Variants in MORF4L1 observed in about 807,000 individuals in gnomAD.
MORF4L1 encodes the protein mortality factor 4-like protein 1.
A neutral mutation model predicts 52.9 loss-of-function variants in MORF4L1; 4 were observed. That is an observed-to-expected ratio of 0.08 (90% confidence interval 0.04 to 0.17). The LOEUF is 0.17. Ranked by LOEUF, MORF4L1 falls within the 10% of genes least tolerant of loss-of-function variation. The pLI is 1.00. For missense variants in MORF4L1, 214 were observed against 390.4 expected (o/e 0.55, Z 3.81); for synonymous variants, 123 against 134.8 (o/e 0.91, Z 0.61).
intron 9 of MORF4L1, 90 bp downstream of exon 9, chr15:78,893,717 A>C: frequency 1.2e-6 from 1 of 848,188 alleles, no homozygotes; most frequent in Non-Finnish European, 1.8e-6. Context: ...ACTCCGAAAC[A>C]TTAATACCAC....
chr15:78,891,293 C>G (rs2056797208), intron 6 of MORF4L1, 191 bp from the exon 7 acceptor site: 2 of 649,266 alleles, frequency 3.1e-6, no homozygotes, highest in Admixed American at 6.0e-5. Context: ...TAAATGTTGT[C>G]TATACTAAAT....
At chr15:78,873,346 G>C in intron 1 of MORF4L1, 1 of 885,220 alleles carries the variant, frequency 1.1e-6, no homozygotes, top group Non-Finnish European at 1.5e-6. Context: ...AAGAGGGCGC[G>C]GAGAGAGCAG....
intron 11 of MORF4L1, among the ~76,000 whole-genome samples, 158 bp downstream of exon 11, chr15:78,895,062 C>G (rs1567319826): frequency 6.6e-6 from 1 of 152,098 alleles, no homozygotes; most frequent in Non-Finnish European, 1.5e-5. Flanking sequence ...ATGGGAGTCT[C>G]AGAAATGATA....
intron 3 of MORF4L1, among the ~76,000 whole-genome samples, chr15:78,883,913 A>G (rs1041537412): frequency 6.6e-6 from 1 of 152,212 alleles, no homozygotes; most frequent in African/African-American, 2.4e-5. Flanking sequence ...TTAGAAAACT[A>G]TGAAATTCTG....
At chr15:78,896,844 G>A (rs2056898994) in intron 11 of MORF4L1, 139 bp from the exon 12 acceptor site, 2 of 611,920 alleles carry the variant, frequency 3.3e-6, no homozygotes, top group East Asian at 3.1e-5. Flanking sequence ...CATTATGTGT[G>A]GTTTTACTGT....
intron 11 of MORF4L1, among the ~76,000 whole-genome samples, chr15:78,895,256 A>G (rs2056867741): frequency 6.6e-6 from 1 of 152,294 alleles, no homozygotes; most frequent in African/African-American, 2.4e-5. Flanking sequence ...TAATATTTTC[A>G]TAGTTCTATA....
chr15:78,878,147 T>G (rs773120507), intron 1 of MORF4L1, 66 bp from the exon 2 acceptor site: 3 of 1,507,628 alleles, frequency 2.0e-6, no homozygotes, highest in Non-Finnish European at 2.7e-6. Context: ...GTGATGACTC[T>G]CTAAGATGTT....
chr15:78,876,994 C>T (rs1389062662), intron 1 of MORF4L1, among the ~76,000 whole-genome samples: 1 of 151,710 alleles, frequency 6.6e-6, no homozygotes, highest in African/African-American at 2.4e-5. Flanking sequence ...GGCTGGAGTG[C>T]AGTGGTGTGA....
intron 3 of MORF4L1, among the ~76,000 whole-genome samples, chr15:78,881,189 C>T (rs918536289): frequency 0.015 from 1,030 of 67,326 alleles, 9 homozygotes; most frequent in Non-Finnish European, 0.021. Flanking sequence ...AGAGTTAAGC[C>T]TTTTTTTTTT....
At chr15:78,894,731 T>C in intron 10 of MORF4L1, 89 bp from the exon 11 acceptor site, 1 of 983,742 alleles carries the variant, frequency 1.0e-6, no homozygotes, top group South Asian at 1.3e-5. Flanking sequence ...TTTAAAGGAA[T>C]TGGTGGTGTT....
intron 2 of MORF4L1, 83 bp from the exon 3 acceptor site, chr15:78,880,429 A>G (rs2056579927): frequency 2.1e-6 from 2 of 952,386 alleles, no homozygotes; most frequent in East Asian, 2.6e-5. Context: ...AAGCTTGTGT[A>G]GAGTGTCTTT....
At chr15:78,873,542 G>A (rs2056413209) in intron 1 of MORF4L1, among the ~76,000 whole-genome samples, 1 of 152,166 alleles carries the variant, frequency 6.6e-6, no homozygotes, top group Non-Finnish European at 1.5e-5. Flanking sequence ...CAACTCAGCT[G>A]CGGATGGGGG....
At chr15:78,893,460 T>C in intron 8 of MORF4L1, 79 bp from the exon 9 acceptor site, 1 of 920,306 alleles carries the variant, frequency 1.1e-6, no homozygotes, top group Non-Finnish European at 1.8e-6. Context: ...TTACCTGATC[T>C]TTGTATAAAA....
Position 78,897,082 on chromosome 15 carries a change from C to T in MORF4L1, c.*15C>T. The T allele has an allele frequency of 3.1e-6, 5 of 1,597,482 alleles. No homozygotes were observed. The highest frequency in any genetic ancestry group is 4.3e-6 in the Non-Finnish European group (5 of 1,166,820). On this transcript the variant is annotated 3_prime_UTR_variant, in exon 12 of 12. Coordinates refer to ENST00000426013, the MANE Select transcript of MORF4L1 (RefSeq NM_006791.4). ...AAGCTGTGTGAGAGGCACTCTCACT[C>T]ACTTATGTTTGGATCTCCGTAAACA...
At chr15:78,891,046 A>T (rs751483254) in intron 6 of MORF4L1, 32 bp downstream of exon 6, 3 of 1,476,162 alleles carry the variant, frequency 2.0e-6, no homozygotes, top group Non-Finnish European at 2.8e-6. Context: ...ACGTTAATTT[A>T]TGTTACCTCT....
At position 78,886,236 on chromosome 15, in the gene MORF4L1, G is replaced by T. The variant is rs375352436; in HGVS notation, c.242+9G>T. 9.2e-5 allele frequency: 148 copies of T among 1,606,392 alleles called. No individual in the cohort carries two copies. Among genetic ancestry groups the T allele is most frequent in the Non-Finnish European group, 1.1e-4 (132 of 1,173,074 alleles). ...CTTCAAAAAGCCAATCAGTAAGTTTGTTTTGTGAACTGAATATTAAGGAGA... is the reference window on the plus strand; with the variant it reads ...CTTCAAAAAGCCAATCAGTAAGTTTTTTTTGTGAACTGAATATTAAGGAGA... On this transcript the variant is annotated intron_variant, in intron 4 of 11. Transcript: ENST00000426013.
At chr15:78,890,960 T>G (rs2056790991) in intron 5 of MORF4L1, 29 bp from the exon 6 acceptor site, 1 of 1,429,212 alleles carries the variant, frequency 7.0e-7, no homozygotes. Flanking sequence ...CTGGAAATAA[T>G]TATTTTTCTT....
intron 3 of MORF4L1, among the ~76,000 whole-genome samples, chr15:78,884,627 G>T (rs1376267790): frequency 8.1e-6 from 1 of 122,952 alleles, no homozygotes; most frequent in African/African-American, 3.2e-5. Flanking sequence ...CAACGAGAGC[G>T]CAACTCTGTC....
At chr15:78,879,835 G>T (rs961083491) in intron 2 of MORF4L1, among the ~76,000 whole-genome samples, 2 of 151,236 alleles carry the variant, frequency 1.3e-5, no homozygotes, top group African/African-American at 2.4e-5. Flanking sequence ...TGTTATTGTT[G>T]TATCAACGTT....
Sources: allele counts gnomAD v4.1 joint callset (sites outside exome capture counted in the v4.1 genomes callset), GRCh38; gene constraint gnomAD v4.1.1; transcripts MANE v1.5; gene names NCBI Gene and HGNC (gene_info 2026-07-23, HGNC 2026-07-21).